Variants in RSPO2 observed in about 807,000 individuals in gnomAD.
RSPO2 encodes R-spondin 2.
Under a neutral mutation model 30.9 loss-of-function variants are expected in RSPO2, and 14 were observed. That is an observed-to-expected ratio of 0.45 (90% CI 0.30 to 0.71). The LOEUF is 0.71. RSPO2 is among the 30% of genes least tolerant of loss of function. The pLI, the probability that RSPO2 is intolerant of heterozygous loss-of-function variation, is 0.08. For missense variants in RSPO2, 264 were observed against 301.9 expected (o/e 0.87, Z 0.93); for synonymous variants, 107 against 96.4 (o/e 1.11, Z -0.64).
intron 2 of RSPO2, among the ~76,000 whole-genome samples, chr8:108,053,185 A>G (rs1427491695): frequency 2.6e-5 from 4 of 152,268 alleles, no homozygotes; most frequent in Admixed American, 1.3e-4. Flanking sequence ...CATGGCTTGC[A>G]GGAGAGCTTC....
At chr8:107,944,024 A>G (rs1812978270) in intron 5 of RSPO2, among the ~76,000 whole-genome samples, 1 of 152,230 alleles carries the variant, frequency 6.6e-6, no homozygotes, top group African/African-American at 2.4e-5. Context: ...AGAGTTTTCA[A>G]GAAAGAGGTA....
chr8:107,938,173 T>G (rs1290395777), intron 5 of RSPO2, among the ~76,000 whole-genome samples: 1 of 152,162 alleles, frequency 6.6e-6, no homozygotes, highest in African/African-American at 2.4e-5. Context: ...TTTCTTGGTA[T>G]GTTTATCAAA....
Position 108,029,054 on chromosome 8 carries a change from CTTTTTTTTTTTTTTTT to C in RSPO2, c.95-39826_95-39811del, listed in dbSNP as rs71308771. ...AACTTGGGTAACTGTTAACATGAGT[CTTTTTTTTTTTTTTTT>C]TTTTTTTTTTTTTTTTTTTTTTGCC... On this transcript the variant is annotated intron_variant, in intron 2 of 5. Coordinates refer to ENST00000276659, the MANE Select transcript of RSPO2 (RefSeq NM_178565.5). Among the ~76,000 whole-genome samples, 37 of 26,194 alleles carry C rather than the reference CTTTTTTTTTTTTTTTT, an allele frequency of 1.4e-3. No homozygotes were observed. The South Asian group carries it at 0.047, about 33-fold the overall frequency. The allele number at this position is 26,194 out of a possible 152,430, so 17.2% of individuals were successfully genotyped here.
chr8:107,925,867 G>A (rs1402171268), intron 5 of RSPO2, among the ~76,000 whole-genome samples: 1 of 152,132 alleles, frequency 6.6e-6, no homozygotes, highest in Non-Finnish European at 1.5e-5. Context: ...ATAAACATAT[G>A]TGTGCATGTG....
In RSPO2 at chr8:107,958,223, C is replaced by G; in HGVS notation, c.473G>C (p.Arg158Thr). The G allele has an allele frequency of 1.2e-6, 2 of 1,613,840 alleles. No individual in the cohort carries two copies. The highest frequency in any genetic ancestry group is 1.7e-6 in the Non-Finnish European group (2 of 1,179,862). The part of the protein sequence containing the change: ...GHWSEWGTCS[R>T]NNRTCGFKWG... ...TTTAAATCCACATGTGCGATTATTT[C>G]TGCTACAAGTTCCCCATTCGCTCCA... The change falls in exon 5 of 6, where the codon AGA becomes ACA. Residue 158 changes from arginine to threonine, a missense_variant. Transcript: ENST00000276659.
At chr8:108,058,352 TACAA>T (rs765391895) in intron 2 of RSPO2, among the ~76,000 whole-genome samples, 50 of 152,100 alleles carry the variant, frequency 3.3e-4, no homozygotes, top group Non-Finnish European at 5.1e-4. Flanking sequence ...TAAAAGAGGA[TACAA>T]ACAAATGGAA....
At chr8:108,015,316 T>C (rs1810850619) in intron 2 of RSPO2, among the ~76,000 whole-genome samples, 1 of 152,172 alleles carries the variant, frequency 6.6e-6, no homozygotes, top group Admixed American at 6.5e-5. Flanking sequence ...AGTACTACCA[T>C]TTATCTCACG....
chr8:107,953,077 C>A (rs1300550987), intron 5 of RSPO2, among the ~76,000 whole-genome samples: 1 of 152,146 alleles, frequency 6.6e-6, no homozygotes, highest in East Asian at 1.9e-4. Context: ...AGGCAGAAAG[C>A]TATCCCAGTA....
intron 2 of RSPO2, among the ~76,000 whole-genome samples, chr8:108,043,434 GTT>G (rs948970506): frequency 3.0e-4 from 45 of 152,182 alleles, no homozygotes; most frequent in African/African-American, 1.1e-3. Flanking sequence ...CATTTCATCT[GTT>G]TTATTTCTCT....
intron 5 of RSPO2, among the ~76,000 whole-genome samples, chr8:107,923,087 T>C (rs2130315039): frequency 6.6e-6 from 1 of 152,278 alleles, no homozygotes; most frequent in Non-Finnish European, 1.5e-5. Context: ...TGGGATCTAA[T>C]GAAACTTACG....
chr8:108,018,958 T>C (rs1306864693), intron 2 of RSPO2, among the ~76,000 whole-genome samples: 1 of 152,238 alleles, frequency 6.6e-6, no homozygotes, highest in Non-Finnish European at 1.5e-5. Context: ...TGTAGCACTA[T>C]ATGTATGTGT....
chr8:107,908,306 G>A (rs1324450020), intron 5 of RSPO2, among the ~76,000 whole-genome samples: 1 of 152,122 alleles, frequency 6.6e-6, no homozygotes. Context: ...TAAATCCGTA[G>A]TCCGTCAAAG....
intron 3 of RSPO2, among the ~76,000 whole-genome samples, chr8:107,977,581 CAT>C (rs1814259875): frequency 6.6e-6 from 1 of 152,134 alleles, no homozygotes; most frequent in Non-Finnish European, 1.5e-5. Flanking sequence ...CAATAAAAAA[CAT>C]AGCTAAAGTT....
At chr8:108,072,181 A>T (rs1402244517) in intron 2 of RSPO2, among the ~76,000 whole-genome samples, 5 of 151,474 alleles carry the variant, frequency 3.3e-5, no homozygotes, top group Admixed American at 1.3e-4. Flanking sequence ...CTTGGAGGAG[A>T]AAAAGAGTGA....
chr8:108,003,307 ATATATTT>A (rs1815335915), intron 2 of RSPO2, among the ~76,000 whole-genome samples: 1 of 21,898 alleles, frequency 4.6e-5, no homozygotes, highest in Non-Finnish European at 9.0e-5. Context: ...ATATATATAT[ATATATTT>A]TTTTTTTTTT....
At chr8:108,022,183 C>T (rs574298929) in intron 2 of RSPO2, among the ~76,000 whole-genome samples, 4 of 152,294 alleles carry the variant, frequency 2.6e-5, no homozygotes, top group Admixed American at 2.6e-4. Context: ...ATCTCACCCA[C>T]CCTGTAGGCA....
intron 5 of RSPO2, among the ~76,000 whole-genome samples, chr8:107,902,249 A>G (rs1811500638): frequency 1.3e-5 from 2 of 152,170 alleles, no homozygotes; most frequent in South Asian, 4.1e-4. Context: ...CTCAATGAAC[A>G]AGAAAGAATC....
At chr8:108,020,218 T>C (rs1271919062) in intron 2 of RSPO2, among the ~76,000 whole-genome samples, 1 of 152,122 alleles carries the variant, frequency 6.6e-6, no homozygotes, top group Non-Finnish European at 1.5e-5. Flanking sequence ...GCAGCTCTTA[T>C]CACTCTTCAT....
intron 5 of RSPO2, among the ~76,000 whole-genome samples, chr8:107,901,877 G>C (rs913468174): frequency 1.6e-4 from 25 of 152,320 alleles, no homozygotes; most frequent in African/African-American, 5.5e-4. Context: ...ATCATACCAA[G>C]TATTTCTCTT....
Sources: gnomAD v4.1 joint callset for allele counts (sites outside exome capture counted in the v4.1 genomes callset) on GRCh38, gnomAD v4.1.1 for gene constraint, MANE v1.5 for transcripts, NCBI Gene and HGNC (gene_info 2026-07-23, HGNC 2026-07-21) for gene names.